Variants in FBXL18 observed in about 807,000 individuals in gnomAD.
FBXL18 encodes F-box/LRR-repeat protein 18.
FBXL18 carries 36 observed loss-of-function variants against 46.0 expected under a neutral mutation model. The observed-to-expected ratio is 0.78, with a 90% CI of 0.60 to 1.03. The LOEUF is 1.03. FBXL18 is among the 50% of genes least tolerant of loss of function. The pLI is 0.00. For synonymous variants in FBXL18, 557 were observed against 465.3 expected, an observed-to-expected ratio of 1.20 and a Z score of -2.54; for missense variants, 977 against 1,004.1, an observed-to-expected ratio of 0.97 and a Z score of 0.36.
chr7:5,504,414 C>T (rs563735157), intron 2 of FBXL18, among the ~76,000 whole-genome samples: 31 of 148,150 alleles, frequency 2.1e-4, no homozygotes, highest in Non-Finnish European at 4.3e-4. Flanking sequence ...TGGGGATTCT[C>T]GTGCCTCAGC....
downstream of FBXL18, among the ~76,000 whole-genome samples, chr7:5,475,618 C>T (rs939225874): frequency 6.6e-6 from 1 of 152,268 alleles, no homozygotes; most frequent in East Asian, 1.9e-4. The surrounding 1 kb of genome is among the most constrained non-coding windows in gnomAD (Gnocchi z 4.2). Flanking sequence ...GGAGTGTCTG[C>T]CCCCCGCTTT....
chr7:5,503,244 C>T (rs1354821084), intron 2 of FBXL18, among the ~76,000 whole-genome samples: 2 of 152,196 alleles, frequency 1.3e-5, no homozygotes, highest in Non-Finnish European at 2.9e-5. Flanking sequence ...ATTAGCCAGG[C>T]GTAGTGGCGC....
At chr7:5,509,907 C>T (rs1358677687) in intron 1 of FBXL18, among the ~76,000 whole-genome samples, 2 of 151,792 alleles carry the variant, frequency 1.3e-5, no homozygotes, top group South Asian at 4.2e-4. Context: ...GCTGGGCGGG[C>T]GAGTTGAGTC....
At chr7:5,460,574 C>G (rs1432760599) in intron 4 of FBXL18, among the ~76,000 whole-genome samples, 1 of 152,246 alleles carries the variant, frequency 6.6e-6, no homozygotes, top group Non-Finnish European at 1.5e-5. Flanking sequence ...ATGCCTCAAC[C>G]TCCCGAGCAG....
intron 1 of FBXL18, among the ~76,000 whole-genome samples, chr7:5,512,194 G>C (rs1401899676): frequency 6.8e-5 from 10 of 147,870 alleles, no homozygotes; most frequent in African/African-American, 1.7e-4. Context: ...GCAATGAGCC[G>C]AGATCACGCC....
chr7:5,505,327 A>C, intron 2 of FBXL18, 85 bp downstream of exon 2: 1 of 1,270,648 alleles, frequency 7.9e-7, no homozygotes, highest in Non-Finnish European at 1.1e-6. Flanking sequence ...ATATCAGCAC[A>C]CAGGGTTCCA....
intron 1 of FBXL18, among the ~76,000 whole-genome samples, chr7:5,507,022 A>C (rs1382768213): frequency 6.6e-6 from 1 of 152,222 alleles, no homozygotes; most frequent in African/African-American, 2.4e-5. Flanking sequence ...GGAAGGCAGA[A>C]GGCTTTACCA....
chr7:5,458,692 G>A (rs1180096618), intron 4 of FBXL18, among the ~76,000 whole-genome samples: 8 of 147,076 alleles, frequency 5.4e-5, no homozygotes, highest in African/African-American at 1.3e-4. Context: ...GCGAGACTCC[G>A]TCCCCCAAAA....
chr7:5,460,549 G>T (rs1298732482), intron 4 of FBXL18, among the ~76,000 whole-genome samples: 4 of 152,196 alleles, frequency 2.6e-5, no homozygotes, highest in Non-Finnish European at 5.9e-5. Context: ...TGCCTTCTGG[G>T]TTCAAGTGAT....
At chr7:5,475,419 C>T (rs1378845864), downstream of FBXL18, among the ~76,000 whole-genome samples, 1 of 152,218 alleles carries the variant, frequency 6.6e-6, no homozygotes, top group East Asian at 1.9e-4. The surrounding 1 kb of genome is among the most constrained non-coding windows in gnomAD (Gnocchi z 4.2). Flanking sequence ...CTTCAGCCAG[C>T]CACCACTTTT....
At chr7:5,460,225 G>A (rs1217902790) in intron 4 of FBXL18, among the ~76,000 whole-genome samples, 4 of 152,096 alleles carry the variant, frequency 2.6e-5, no homozygotes, top group Admixed American at 2.6e-4. Context: ...CAGCCTGGGC[G>A]ACAGAGTGAG....
intron 4 of FBXL18, among the ~76,000 whole-genome samples, chr7:5,488,841 C>A (rs1277710306): frequency 6.6e-6 from 1 of 152,238 alleles, no homozygotes; most frequent in Non-Finnish European, 1.5e-5. Flanking sequence ...CACAGCCTCA[C>A]AGAGCACAGT....
Position 5,502,568 on chromosome 7 carries a change from C to T in FBXL18, c.238-537G>A, listed in dbSNP as rs1014478642. 1.6e-4 allele frequency among the ~76,000 whole-genome samples: 24 copies of T among 150,400 alleles called. No individual in the cohort carries two copies. In the South Asian group the frequency reaches 1.7e-3, roughly 11 times the overall value. ...AAAAAAGGCCGGGCCCGGTGGCTCA[C>T]GCCTGGAATCCCAGCACTTTGGGAG... On this transcript the variant is annotated intron_variant, in intron 2 of 4. Coordinates refer to ENST00000382368, the MANE Select transcript of FBXL18 (RefSeq NM_024963.6).
rs1294063855 is a variant in FBXL18 at position 5,475,950 on chromosome 7, G to A, written c.*5825C>T. On this transcript the variant is annotated 3_prime_UTR_variant, in exon 5 of 5. Transcript: ENST00000382368. This position sits in a 1 kb window ranked among gnomAD's most constrained non-coding sequence, Gnocchi z 4.2. The stretch of plus-strand genomic sequence containing the variant: ...GCCACGGGGGCAGGTCAGCGGGACG[G>A]GGACAGGGAGGTTGGTCATCGAAAG... 1.3e-5 allele frequency: 2 copies of A among 152,296 alleles called. No homozygotes were observed. The allele number at this position is 152,296 out of a possible 1,614,324, so 9.4% of individuals were successfully genotyped here.
downstream of FBXL18, among the ~76,000 whole-genome samples, chr7:5,471,484 G>A (rs913502607): frequency 5.3e-5 from 8 of 152,208 alleles, no homozygotes; most frequent in African/African-American, 1.9e-4. Flanking sequence ...CACCATGTTA[G>A]CCAGGATGGT....
chr7:5,463,724 A>ATTTTGTTTTTTTTTTTTTTTTTTTT (rs144459089), intron 4 of FBXL18, among the ~76,000 whole-genome samples: 1 of 59,672 alleles, frequency 1.7e-5, no homozygotes, highest in African/African-American at 7.3e-5. Flanking sequence ...TTATTTATTT[A>ATTTTGTTTTTTTTTTTTTTTTTTTT]TTTATTTTTT....
In FBXL18 at chr7:5,513,726, C is replaced by G. The variant is rs771859365; in HGVS notation, c.-52G>C. Reference sequence around the variant, plus strand: ...GCGGGATCCGCAACCCCGTGCCTCCCACCTGCCCGGCTAGGGATGCTCGAA... The same window carrying G: ...GCGGGATCCGCAACCCCGTGCCTCCGACCTGCCCGGCTAGGGATGCTCGAA... On this transcript the variant is annotated 5_prime_UTR_variant, in exon 1 of 5. Transcript: ENST00000382368. 16 of 1,582,764 alleles carry G rather than the reference C, an allele frequency of 1.0e-5. No individual in the cohort carries two copies. In the East Asian group the frequency reaches 3.3e-4, roughly 32 times the overall value.
chr7:5,501,137 GA>G lies in FBXL18; in HGVS notation c.1131del (p.Leu378TrpfsTer11). 1 of 1,612,998 alleles carries G rather than the reference GA, an allele frequency of 6.2e-7. No individual in the cohort carries two copies. Among genetic ancestry groups the G allele is most frequent in the Non-Finnish European group, 8.5e-7 (1 of 1,179,834 alleles). On this transcript the variant is annotated frameshift_variant, in exon 3 of 5. Coordinates refer to ENST00000382368, the MANE Select transcript of FBXL18 (RefSeq NM_024963.6). LOFTEE classifies it high-confidence loss of function. ...EDDIDSSILE[T>X]LVASCCNLRH... ...CGCAGGTTGCAGCAGGACGCCACCA[GA>G]GTCTCCAGGATGCTGCTGTCGATGT...
At chr7:5,499,744 AG>A (rs1454925375) in intron 3 of FBXL18, among the ~76,000 whole-genome samples, 8 of 120,922 alleles carry the variant, frequency 6.6e-5, no homozygotes, top group South Asian at 2.8e-4. Flanking sequence ...AAAAAAAAAA[AG>A]AAAAAAAAAA....
Sources: allele counts gnomAD v4.1 joint callset (sites outside exome capture counted in the v4.1 genomes callset), GRCh38; gene constraint gnomAD v4.1.1; non-coding constraint Gnocchi (gnomAD v3.1); transcripts MANE v1.5; gene names NCBI Gene and HGNC (gene_info 2026-07-23, HGNC 2026-07-21).